Variants in AMOTL1 observed in about 807,000 individuals in gnomAD.
AMOTL1 encodes the protein angiomotin like 1, also known as angiomotin-like protein 1.
Under a neutral mutation model 102.9 loss-of-function variants are expected in AMOTL1, and 45 were observed. That is an observed-to-expected ratio of 0.44 (90% CI 0.34 to 0.56). AMOTL1 has a LOEUF of 0.56. Ranked by LOEUF, AMOTL1 falls within the 20% of genes least tolerant of loss-of-function variation. The pLI is 0.01. For synonymous variants in AMOTL1, 481 were observed against 484.7 expected (o/e 0.99, Z 0.10); for missense variants, 1,114 against 1,225.6 (o/e 0.91, Z 1.36).
intron 3 of AMOTL1, among the ~76,000 whole-genome samples, chr11:94,801,296 G>C (rs1331202328): frequency 6.6e-6 from 1 of 152,192 alleles, no homozygotes; most frequent in Non-Finnish European, 1.5e-5. Context: ...TCTGGAATGA[G>C]TGGCAATAAT....
intron 10 of AMOTL1, 30 bp downstream of exon 10, chr11:94,864,890 G>T (rs1399109790): frequency 5.0e-6 from 8 of 1,602,852 alleles, no homozygotes; most frequent in Non-Finnish European, 6.8e-6. Context: ...GACGTGTGGG[G>T]CCCGCTGCAT....
chr11:94,849,938 T>C (rs1952496365), intron 6 of AMOTL1, among the ~76,000 whole-genome samples, 176 bp from the exon 7 acceptor site: 1 of 152,144 alleles, frequency 6.6e-6, no homozygotes, highest in South Asian at 2.1e-4. Context: ...CCGTGGTTTT[T>C]GAGAAAACCA....
chr11:94,840,679 T>TAC (rs1347475318), intron 6 of AMOTL1, among the ~76,000 whole-genome samples: 91 of 129,360 alleles, frequency 7.0e-4, no homozygotes, highest in East Asian at 3.5e-3. Flanking sequence ...TATATATATA[T>TAC]ATACACACAC....
intron 2 of AMOTL1, among the ~76,000 whole-genome samples, chr11:94,729,849 G>C (rs1224069157): frequency 6.6e-6 from 1 of 152,134 alleles, no homozygotes; most frequent in Non-Finnish European, 1.5e-5. Context: ...AGTAATACAA[G>C]AACGAGAGCA....
At chr11:94,754,164 ATTG>A (rs1446212553) in intron 3 of AMOTL1, among the ~76,000 whole-genome samples, 1 of 152,204 alleles carries the variant, frequency 6.6e-6, no homozygotes, top group African/African-American at 2.4e-5. Context: ...AATTTCAATT[ATTG>A]TTGTTATTAT....
At chr11:94,746,851 A>C (rs1490543225) in intron 3 of AMOTL1, among the ~76,000 whole-genome samples, 1 of 152,128 alleles carries the variant, frequency 6.6e-6, no homozygotes, top group African/African-American at 2.4e-5. Context: ...CACTGTGGCC[A>C]CCTTATTCTT....
rs1157932450 is a variant in AMOTL1, at chr11:94,799,075, A to T, written c.200-315A>T. On this transcript the variant is annotated intron_variant, in intron 2 of 12. Coordinates refer to ENST00000433060, the MANE Select transcript of AMOTL1 (RefSeq NM_130847.3). The surrounding 1 kb of genome is among the most constrained non-coding windows in gnomAD (Gnocchi z 4.5). ...TTGGTTTTCTCTTGTATTTTTTTTT[A>T]AATGGGAAAGACTTGGGTATATTTA... Among the ~76,000 whole-genome samples the T allele has an allele frequency of 2.6e-5, 4 of 151,880 alleles. No individual in the cohort carries two copies. Among genetic ancestry groups the T allele is most frequent in the South Asian group, 2.1e-4 (1 of 4,804 alleles).
chr11:94,774,169 C>G (rs1950992482), intron 1 of AMOTL1, among the ~76,000 whole-genome samples: 1 of 152,232 alleles, frequency 6.6e-6, no homozygotes, highest in Admixed American at 6.5e-5. Flanking sequence ...TATCCGTCTT[C>G]TTTGAGAACC....
intron 8 of AMOTL1, 136 bp from the exon 9 acceptor site, chr11:94,859,387 CAG>C: frequency 2.5e-6 from 2 of 815,094 alleles, no homozygotes; most frequent in Non-Finnish European, 3.7e-6. Flanking sequence ...TTAACTACAA[CAG>C]AGGAATTTGG....
intron 2 of AMOTL1, among the ~76,000 whole-genome samples, chr11:94,731,165 C>G (rs750495764): frequency 6.6e-6 from 1 of 152,122 alleles, no homozygotes; most frequent in Non-Finnish European, 1.5e-5. Context: ...GGGTAAGTGA[C>G]GAGCTTCTGG....
At chr11:94,736,249 A>G (rs569051260) in intron 2 of AMOTL1, among the ~76,000 whole-genome samples, 2 of 152,242 alleles carry the variant, frequency 1.3e-5, no homozygotes, top group Admixed American at 1.3e-4. Context: ...ATGAACATTT[A>G]TTTATGTATG....
At chr11:94,740,437 T>A (rs1422558721) in intron 2 of AMOTL1, 2 of 151,966 alleles carry the variant, frequency 1.3e-5, no homozygotes, top group Admixed American at 6.5e-5. Context: ...CTGCGGAGCG[T>A]GACGGCCACG....
rs766649419 is a variant in AMOTL1, at chr11:94,729,086, T to C, written c.85+31T>C. The C allele has an allele frequency of 3.9e-6, 5 of 1,275,182 alleles. No individual in the cohort carries two copies. In the East Asian group the frequency reaches 2.8e-4, roughly 71 times the overall value. 79.0% of individuals were successfully genotyped at this position (1,275,182 alleles called of 1,614,324 possible). A position where few individuals can be genotyped will look rare whatever the true frequency, so the allele number is the denominator to read the frequency against. On this transcript the variant is annotated intron_variant, in intron 2 of 4. Transcript: ENST00000299004. Reference sequence around the variant, plus strand: ...GCCGTTTTTGATGTCCCTGATAGCATGGTACTCTTCAGCTTCTGCACCTCA... The same window carrying C: ...GCCGTTTTTGATGTCCCTGATAGCACGGTACTCTTCAGCTTCTGCACCTCA...
chr11:94,863,855 G>A (rs1192585578), intron 9 of AMOTL1, among the ~76,000 whole-genome samples: 7 of 152,212 alleles, frequency 4.6e-5, no homozygotes, highest in Admixed American at 4.6e-4. Context: ...ACAGATGCTT[G>A]CAGTGAAACT....
Position 94,871,030 on chromosome 11 carries a change from G to T in AMOTL1, c.*235G>T. 1 of 396,216 alleles carries T rather than the reference G, an allele frequency of 2.5e-6. No individual in the cohort carries two copies. Among genetic ancestry groups the T allele is most frequent in the Non-Finnish European group, 4.5e-6 (1 of 222,550 alleles). The allele number at this position is 396,216 out of a possible 1,614,324, so 24.5% of individuals were successfully genotyped here. The stretch of plus-strand genomic sequence containing the variant: ...TGGTGGAAGAGAGAAGAGGCGTGTA[G>T]GTTTGCAAACAAAGTTAAGAAATAG... On this transcript the variant is annotated 3_prime_UTR_variant, in exon 13 of 13. Transcript: ENST00000433060.
chr11:94,835,753 T>G (rs1373581630), intron 6 of AMOTL1, among the ~76,000 whole-genome samples: 3 of 152,224 alleles, frequency 2.0e-5, no homozygotes, highest in Non-Finnish European at 2.9e-5. Context: ...CTGGTTAAAC[T>G]CAAGTTTGTG....
intron 3 of AMOTL1, among the ~76,000 whole-genome samples, chr11:94,808,021 AG>A (rs1159076756): frequency 2.4e-5 from 3 of 123,956 alleles, no homozygotes; most frequent in African/African-American, 9.4e-5. Flanking sequence ...CAAAGGGAAA[AG>A]TCGAGCTGGA....
intron 12 of AMOTL1, 80 bp from the exon 13 acceptor site, chr11:94,870,609 G>T: frequency 2.8e-6 from 3 of 1,069,192 alleles, no homozygotes; most frequent in Non-Finnish European, 4.0e-6. Context: ...GGTATCGGAC[G>T]TGGGTCCATT....
chr11:94,839,293 T>C (rs1210941400), intron 6 of AMOTL1, among the ~76,000 whole-genome samples: 1 of 152,248 alleles, frequency 6.6e-6, no homozygotes, highest in African/African-American at 2.4e-5. Flanking sequence ...AATTGAACAC[T>C]AATTGAGCAC....
Sources: allele counts gnomAD v4.1 joint callset (sites outside exome capture counted in the v4.1 genomes callset), GRCh38; gene constraint gnomAD v4.1.1; non-coding constraint Gnocchi (gnomAD v3.1); transcripts MANE v1.5; gene names NCBI Gene and HGNC (gene_info 2026-07-23, HGNC 2026-07-21).